Variants in PRKACB observed in about 807,000 individuals in gnomAD.
PRKACB encodes protein kinase cAMP-activated catalytic subunit beta.
Under a neutral mutation model 51.4 loss-of-function variants are expected in PRKACB, and 16 were observed. That is an observed-to-expected ratio of 0.31 (90% confidence interval 0.21 to 0.47). The LOEUF (loss-of-function observed/expected upper bound fraction) is 0.47. PRKACB is among the 20% of genes least tolerant of loss of function. The pLI is 1.00. For synonymous variants in PRKACB, 147 were observed against 154.4 expected (o/e 0.95, Z 0.35); for missense variants, 309 against 464.5 (o/e 0.67, Z 3.08).
intron 1 of PRKACB, among the ~76,000 whole-genome samples, chr1:84,151,720 G>A (rs528933437): frequency 2.0e-5 from 3 of 152,244 alleles, no homozygotes; most frequent in South Asian, 2.1e-4. Context: ...CTCCTCACTC[G>A]TTATAGTTTT....
intron 1 of PRKACB, among the ~76,000 whole-genome samples, chr1:84,150,687 C>T (rs1180287714): frequency 6.6e-6 from 1 of 152,142 alleles, no homozygotes; most frequent in Non-Finnish European, 1.5e-5. Context: ...TTGCCTTCTG[C>T]CATCATTGAA....
chr1:84,144,208 T>C, upstream of PRKACB: 1 of 1,377,464 alleles, frequency 7.3e-7, no homozygotes. Context: ...ATGTGCTGTT[T>C]TATATTAACA....
At chr1:84,196,346 G>A (rs554877698) in intron 5 of PRKACB, among the ~76,000 whole-genome samples, 9 of 152,030 alleles carry the variant, frequency 5.9e-5, no homozygotes, top group Non-Finnish European at 1.3e-4. Context: ...ATTTAAATAT[G>A]GGCAATAATG....
chr1:84,203,159 C>A (rs932638215), intron 8 of PRKACB, among the ~76,000 whole-genome samples: 1 of 151,876 alleles, frequency 6.6e-6, no homozygotes, highest in African/African-American at 2.4e-5. Context: ...GTTTTATATG[C>A]CCTTCCATTT....
chr1:84,214,447 A>G (rs900495720), intron 9 of PRKACB, 130 bp downstream of exon 9: 7 of 944,240 alleles, frequency 7.4e-6, no homozygotes, highest in African/African-American at 1.7e-5. Context: ...TGCAGGATCT[A>G]AAGTACTTTA....
Position 84,216,346 on chromosome 1 carries a change from T to G in PRKACB, c.1071+2029T>G, listed in dbSNP as rs111607084. Among the ~76,000 whole-genome samples, 345 of 151,712 alleles carry G rather than the reference T, an allele frequency of 2.3e-3. 3 individuals are homozygous for G. The highest frequency in any genetic ancestry group is 7.9e-3 in the African/African-American group (328 of 41,348). ...AGAACAAGACCCCGTCTCAAAGAAA[T>G]AAATAAATAAATAAAGATTACAAAA... On this transcript the variant is annotated intron_variant, in intron 9 of 9. Coordinates refer to ENST00000370685, the MANE Select transcript of PRKACB (RefSeq NM_182948.4).
At chr1:84,146,002 A>T (rs543404892) in intron 1 of PRKACB, among the ~76,000 whole-genome samples, 75 of 152,150 alleles carry the variant, frequency 4.9e-4, no homozygotes, top group Non-Finnish European at 8.8e-4. Context: ...GGGGTTTTTA[A>T]TAATTAAAAG....
At position 84,237,002 on chromosome 1, in the gene PRKACB, G is replaced by C. The variant is rs1676717101; in HGVS notation, c.*1697G>C. ...TTCTTTTCATCTGTACCACACCCTG[G>C]TGAAACCTTTGAAGACATAAAAAAA... On this transcript the variant is annotated 3_prime_UTR_variant, in exon 10 of 10. Coordinates refer to ENST00000370685, the MANE Select transcript of PRKACB (RefSeq NM_182948.4). The C allele has an allele frequency of 6.6e-6, 1 of 151,990 alleles. No homozygotes were observed. The highest frequency in any genetic ancestry group is 1.5e-5 in the Non-Finnish European group (1 of 67,970). 9.4% of individuals were successfully genotyped at this position (151,990 alleles called of 1,614,324 possible).
At chr1:84,109,741 G>A (rs1214918916) in intron 1 of PRKACB, among the ~76,000 whole-genome samples, 2 of 151,696 alleles carry the variant, frequency 1.3e-5, no homozygotes, top group Admixed American at 1.3e-4. Context: ...TATTTCCAGA[G>A]AAAGTTGAGC....
intron 9 of PRKACB, among the ~76,000 whole-genome samples, chr1:84,223,874 G>T (rs1282500863): frequency 6.6e-6 from 1 of 152,096 alleles, no homozygotes; most frequent in Admixed American, 6.5e-5. Context: ...TCTTTTGGAG[G>T]TGTCATGTTT....
At position 84,202,950 on chromosome 1, in the gene PRKACB, G is replaced by A. The variant is rs1670554236; in HGVS notation, c.906+145G>A. 7.9e-6 allele frequency: 6 copies of A among 756,998 alleles called. No homozygotes were observed. In the East Asian group the frequency reaches 1.6e-4, roughly 20 times the overall value. 46.9% of individuals were successfully genotyped at this position (756,998 alleles called of 1,614,324 possible). ...ACAGTTGCTGCTCTTACTATCATAA[G>A]AATTGAATCATTTCAGTCTCTTAAG... On this transcript the variant is annotated intron_variant, in intron 8 of 9. Coordinates refer to ENST00000370685, the MANE Select transcript of PRKACB (RefSeq NM_182948.4).
chr1:84,175,404 A>G (rs1305284871), intron 1 of PRKACB, among the ~76,000 whole-genome samples: 1 of 151,734 alleles, frequency 6.6e-6, no homozygotes. Flanking sequence ...TTCTTTTAAG[A>G]ATTGGATAAT....
In PRKACB at chr1:84,105,976, C is replaced by G. The variant is rs754887399; in HGVS notation, c.46+27605C>G. 2.3e-5 allele frequency among the ~76,000 whole-genome samples: 3 copies of G among 131,364 alleles called. No homozygotes were observed. In the Admixed American group the frequency reaches 2.3e-4, roughly 10 times the overall value. 86.2% of individuals were successfully genotyped at this position (131,364 alleles called of 152,430 possible). Reference sequence around the variant, plus strand: ...AATCAAAAATGTTGAATCAACAAAACAATAATAAAAAATAAAGTAGAAATA... The same window carrying G: ...AATCAAAAATGTTGAATCAACAAAAGAATAATAAAAAATAAAGTAGAAATA... On this transcript the variant is annotated intron_variant, in intron 1 of 8. Coordinates refer to the PRKACB transcript ENST00000370688.
upstream of PRKACB, among the ~76,000 whole-genome samples, chr1:84,142,742 C>T (rs1016027995): frequency 6.6e-6 from 1 of 152,080 alleles, no homozygotes; most frequent in African/African-American, 2.4e-5. Context: ...CTGTTACATA[C>T]TTGTTTAGAT....
upstream of PRKACB, among the ~76,000 whole-genome samples, chr1:84,141,028 A>G (rs190042823): frequency 2.2e-3 from 335 of 152,254 alleles, no homozygotes; most frequent in African/African-American, 6.6e-3. Flanking sequence ...TAAATGTGTC[A>G]TCACTATTAT....
At chr1:84,130,630 A>T (rs1217959681) in intron 1 of PRKACB, among the ~76,000 whole-genome samples, 1 of 152,216 alleles carries the variant, frequency 6.6e-6, no homozygotes, top group Non-Finnish European at 1.5e-5. Flanking sequence ...AATGGCTGAA[A>T]ACTTCTCAAA....
intron 1 of PRKACB, among the ~76,000 whole-genome samples, chr1:84,154,761 A>G (rs558217998): frequency 2.0e-5 from 3 of 152,300 alleles, no homozygotes; most frequent in South Asian, 2.1e-4. Flanking sequence ...GTGATACACT[A>G]TTAACAGAAT....
At chr1:84,174,780 T>TA (rs1300612903) in intron 1 of PRKACB, among the ~76,000 whole-genome samples, 10 of 151,878 alleles carry the variant, frequency 6.6e-5, no homozygotes, top group Admixed American at 6.6e-4. Flanking sequence ...TGTGAGAACT[T>TA]AAAGTTTTTG....
At position 84,110,839 on chromosome 1, in the gene PRKACB, C is replaced by G. The variant is rs1373435528; in HGVS notation, c.46+32468C>G. Among the ~76,000 whole-genome samples the G allele has an allele frequency of 2.0e-5, 3 of 152,006 alleles. No homozygotes were observed. The East Asian group carries it at 5.8e-4, about 29-fold the overall frequency. The stretch of plus-strand genomic sequence containing the variant: ...TTATCGTTTCCTGAATCTGCACTTC[C>G]TATTTTGGTGAAAATGATGCACCTC... On this transcript the variant is annotated intron_variant, in intron 1 of 8. Transcript: ENST00000370688.
Sources: gnomAD v4.1 joint callset for allele counts (sites outside exome capture counted in the v4.1 genomes callset) on GRCh38, gnomAD v4.1.1 for gene constraint, MANE v1.5 for transcripts, NCBI Gene and HGNC (gene_info 2026-07-23, HGNC 2026-07-21) for gene names.